KIF20A: variants seen among roughly 807,000 people sequenced by gnomAD.
KIF20A encodes the protein kinesin family member 20A.
KIF20A carries 66 observed loss-of-function variants against 113.0 expected under a neutral mutation model. The ratio of observed to expected loss-of-function variants is 0.58; its 90% confidence interval spans 0.48 to 0.72. KIF20A has a LOEUF of 0.72. Ranked by LOEUF, KIF20A falls within the 30% of genes least tolerant of loss-of-function variation. The probability of loss-of-function intolerance (pLI) is 0.00; values close to 1 mark genes in which losing one functional copy is unlikely to be tolerated. For missense variants in KIF20A, 927 were observed against 1,077.6 expected (o/e 0.86, Z 1.96); for synonymous variants, 376 against 402.3 (o/e 0.93, Z 0.78).
At position 138,181,619 on chromosome 5, in the gene KIF20A, G is replaced by A. The variant is rs370256011; in HGVS notation, c.266G>A (p.Arg89His). The A allele has an allele frequency of 5.0e-5, 81 of 1,614,050 alleles. 1 individual carries two copies. Among genetic ancestry groups the A allele is most frequent in the Admixed American group, 3.0e-4 (18 of 60,000 alleles). ...TTTCTCCCTTCTCAGGGTTGTGTCC[G>A]TATTGAGAATGTGGAGACCCTTGTT... ...LERQEDQGCV[R>H]IENVETLVLQ... is the part of the protein sequence containing the mutation. The change falls in exon 4 of 19, where the codon CGT (arginine) becomes CAT (histidine). Residue 89 changes from arginine to histidine, a missense_variant. Arg to His is a conservative substitution (Grantham distance 29, BLOSUM62 0). Transcript: ENST00000394894.
chr5:138,186,096 A>G, intron 17 of KIF20A, 44 bp downstream of exon 17: 1 of 1,564,892 alleles, frequency 6.4e-7, no homozygotes, highest in Non-Finnish European at 8.8e-7. Flanking sequence ...TACCTAAGGC[A>G]ATTTCCCACA....
Position 138,183,229 on chromosome 5 carries a change from G to T in KIF20A, c.893G>T (p.Arg298Leu), listed in dbSNP as rs144155991. The change falls in exon 8 of 19, where the codon CGC (arginine) becomes CTC (leucine). Residue 298 changes from arginine (R) to leucine (L), a missense_variant. Arg to Leu is a moderately radical substitution (Grantham distance 102, BLOSUM62 -2). Transcript: ENST00000394894. The surrounding 1 kb of genome is among the most constrained non-coding windows in gnomAD (Gnocchi z 5.2). The part of the protein sequence containing the change: ...TAPLPVPANI[R>L]FSIWISFFEI... The stretch of plus-strand genomic sequence containing the variant: ...CCACTACCTGTCCCGGCAAACATTC[G>T]CTTCTCCATCTGGATCTCATTCTTT... 2 of 1,614,004 alleles carry T rather than the reference G, an allele frequency of 1.2e-6. No individual in the cohort carries two copies. Among genetic ancestry groups the T allele is most frequent in the Middle Eastern group, 1.6e-4 (1 of 6,084 alleles).
rs781286111 is a variant in KIF20A, at chr5:138,183,423, A to C, written c.1028-47A>C. On this transcript the variant is annotated intron_variant, in intron 8 of 18. Transcript: ENST00000394894. The surrounding 1 kb of genome is among the most constrained non-coding windows in gnomAD (Gnocchi z 5.2). ...GGAGGGCAACTGGGGAGAGACTGGC[A>C]AAAGAGTTGGATGTTCCCATCTTAC... is the stretch of plus-strand genomic sequence containing the variant. 1 of 1,611,930 alleles carries C rather than the reference A, an allele frequency of 6.2e-7. No homozygotes were observed. The highest frequency in any genetic ancestry group is 8.5e-7 in the Non-Finnish European group (1 of 1,178,052).
chr5:138,180,680 G>GT (rs957711643), intron 2 of KIF20A, among the ~76,000 whole-genome samples: 31 of 151,054 alleles, frequency 2.1e-4, no homozygotes, highest in Non-Finnish European at 3.5e-4. Flanking sequence ...TGTTTTTTGG[G>GT]TTTTTTTGTT....
At position 138,183,591 on chromosome 5, in the gene KIF20A, T is replaced by C. The variant is rs1754695620; in HGVS notation, c.1139+10T>C. ...AGAACTCCAGCCGCAGGTGAGTAGA[T>C]TGTAAGAATAAACTCTTCACTGTGT... On this transcript the variant is annotated intron_variant, in intron 9 of 18. Transcript: ENST00000394894. The surrounding 1 kb of genome is among the most constrained non-coding windows in gnomAD (Gnocchi z 5.2). The C allele has an allele frequency of 2.5e-6, 4 of 1,613,038 alleles. No individual in the cohort carries two copies. The highest frequency in any genetic ancestry group is 3.4e-6 in the Non-Finnish European group (4 of 1,179,120).
chr5:138,183,133 C>G lies in KIF20A; in HGVS notation c.833-36C>G. 1 of 1,610,232 alleles carries G rather than the reference C, an allele frequency of 6.2e-7. No homozygotes were observed. Among genetic ancestry groups the G allele is most frequent in the Non-Finnish European group, 8.5e-7 (1 of 1,177,868 alleles). The stretch of plus-strand genomic sequence containing the variant: ...CAGGCCAAAAGAGAGGTGAACTGCT[C>G]TAGGTTGATGCCCTATACATTGGCT... On this transcript the variant is annotated intron_variant, in intron 7 of 18. Coordinates refer to ENST00000394894, the MANE Select transcript of KIF20A (RefSeq NM_005733.3). This position sits in a 1 kb window ranked among gnomAD's most constrained non-coding sequence, Gnocchi z 5.2.
rs1754700120 is a variant in KIF20A at position 138,183,824 on chromosome 5, G to A, written c.1208+68G>A. 1.3e-6 allele frequency: 2 copies of A among 1,562,802 alleles called. No individual in the cohort carries two copies. The highest frequency in any genetic ancestry group is 8.8e-7 in the Non-Finnish European group (1 of 1,135,892). On this transcript the variant is annotated intron_variant, in intron 10 of 18. Coordinates refer to ENST00000394894, the MANE Select transcript of KIF20A (RefSeq NM_005733.3). The surrounding 1 kb of genome is among the most constrained non-coding windows in gnomAD (Gnocchi z 5.2). ...TGATAGTTGGGAAAGCATGGAGGAG[G>A]TCCTCAGGGGAACTATGTGTTCTCC...
Position 138,183,664 on chromosome 5 carries a change from C to G in KIF20A, c.1140-24C>G. 6.2e-7 allele frequency: 1 copy of G among 1,612,496 alleles called. No homozygotes were observed. On this transcript the variant is annotated intron_variant, in intron 9 of 18. Coordinates refer to ENST00000394894, the MANE Select transcript of KIF20A (RefSeq NM_005733.3). This position sits in a 1 kb window ranked among gnomAD's most constrained non-coding sequence, Gnocchi z 5.2. ...CCTGGTCATGGAAAATGTGCAATGA[C>G]TTTTTGTTTTTCTTAACTTCCAGTC...
rs745430211 is a variant in KIF20A at position 138,182,420 on chromosome 5, C to A, written c.473C>A (p.Thr158Lys). The A allele has an allele frequency of 9.3e-6, 15 of 1,614,070 alleles. No homozygotes were observed. The highest frequency in any genetic ancestry group is 1.2e-5 in the Non-Finnish European group (14 of 1,180,030). Residue 158 changes from threonine to lysine, a missense_variant, in exon 5 of 19, where the codon ACA becomes AAA. Transcript: ENST00000394894. ...AAAGGGCAGAACTGGCTCATCTATACATATGGAGTCACTAACTCAGGGAAA... is the reference window on the plus strand; with the variant it reads ...AAAGGGCAGAACTGGCTCATCTATAAATATGGAGTCACTAACTCAGGGAAA... ...VLKGQNWLIY[T>K]YGVTNSGKTH...
Position 138,186,333 on chromosome 5 carries a change from G to A in KIF20A, c.2257G>A (p.Glu753Lys), listed in dbSNP as rs769345690. The change falls in exon 18 of 19, where the codon GAG becomes AAG. Residue 753 changes from glutamate to lysine, a missense_variant. Glu to Lys is a moderately conservative substitution (Grantham distance 56, BLOSUM62 1). Coordinates refer to ENST00000394894, the MANE Select transcript of KIF20A (RefSeq NM_005733.3). Reference protein sequence around the residue: ...LLRTELQKLGESLQSAERACC... With the variant: ...LLRTELQKLGKSLQSAERACC... ...GCGGACAGAGCTTCAGAAACTTGGT[G>A]AGTCTCTCCAATCAGCAGAGAGAGC... The A allele has an allele frequency of 2.5e-5, 40 of 1,599,624 alleles. No individual in the cohort carries two copies. Among genetic ancestry groups the A allele is most frequent in the Non-Finnish European group, 3.2e-5 (38 of 1,176,948 alleles).
chr5:138,179,834 G>C lies in KIF20A; in HGVS notation c.154G>C (p.Asp52His). 3.7e-6 allele frequency: 6 copies of C among 1,613,958 alleles called. No homozygotes were observed. The highest frequency in any genetic ancestry group is 5.1e-6 in the Non-Finnish European group (6 of 1,179,994). Residue 52 changes from aspartate to histidine, a missense_variant, in exon 2 of 19, where the codon GAC (aspartate) becomes CAC (histidine). Physicochemically the swap from Asp to His is moderately conservative, Grantham distance 81 (BLOSUM62 -1). Coordinates refer to ENST00000394894, the MANE Select transcript of KIF20A (RefSeq NM_005733.3). ...DCSVVSTSLE[D>H]KQQVPSEDSM... Reference sequence around the variant, plus strand: ...CTCTGTCGTCTCTACCTCCCTAGAGGACAAGCAGCAGGTAAAGGAACTGGG... The same window carrying C: ...CTCTGTCGTCTCTACCTCCCTAGAGCACAAGCAGCAGGTAAAGGAACTGGG...
intron 16 of KIF20A, 103 bp from the exon 17 acceptor site, chr5:138,185,858 C>T (rs938550249): frequency 7.6e-7 from 1 of 1,310,246 alleles, no homozygotes; most frequent in African/African-American, 1.5e-5. Context: ...CACATAGCCT[C>T]ACTTTTTATA....
chr5:138,186,479 T>C (rs1561631086), intron 18 of KIF20A, 48 bp downstream of exon 18: 1 of 1,561,812 alleles, frequency 6.4e-7, no homozygotes, highest in Non-Finnish European at 8.6e-7. Flanking sequence ...CCCACTCCAG[T>C]GTATATGTGA....
intron 15 of KIF20A, 108 bp from the exon 16 acceptor site, chr5:138,185,404 A>G (rs1754728037): frequency 1.9e-6 from 2 of 1,073,820 alleles, no homozygotes; most frequent in Non-Finnish European, 2.8e-6. Flanking sequence ...AGTGCTAACA[A>G]CAGGTTTTCA....
chr5:138,184,986 CAG>C (rs1754721610), intron 14 of KIF20A, 40 bp downstream of exon 14: 1 of 1,609,942 alleles, frequency 6.2e-7, no homozygotes, highest in Non-Finnish European at 8.5e-7. Context: ...TCACCTGAGA[CAG>C]AGGGTGGGAA....
rs1581478310 is a variant in KIF20A, at chr5:138,183,444, C to T, written c.1028-26C>T. ...TGGCAAAAGAGTTGGATGTTCCCAT[C>T]TTACACCCCTCTCCTTTGGCCCCAG... On this transcript the variant is annotated intron_variant, in intron 8 of 18. Coordinates refer to ENST00000394894, the MANE Select transcript of KIF20A (RefSeq NM_005733.3). This position sits in a 1 kb window ranked among gnomAD's most constrained non-coding sequence, Gnocchi z 5.2. 1.9e-6 allele frequency: 3 copies of T among 1,611,364 alleles called. No individual in the cohort carries two copies. In the South Asian group the frequency reaches 3.3e-5, roughly 18 times the overall value.
rs767734775 is a variant in KIF20A at position 138,184,958 on chromosome 5, G to A, written c.1823+12G>A. On this transcript the variant is annotated intron_variant, in intron 14 of 18. Transcript: ENST00000394894. ...GAACAGTGGTGCAGGTACTAGCTGAGTGACCCCTCTTGCTCTGTCACCTGA... is the reference window on the plus strand; with the variant it reads ...GAACAGTGGTGCAGGTACTAGCTGAATGACCCCTCTTGCTCTGTCACCTGA... The A allele has an allele frequency of 6.2e-7, 1 of 1,613,652 alleles. No individual in the cohort carries two copies. Among genetic ancestry groups the A allele is most frequent in the Non-Finnish European group, 8.5e-7 (1 of 1,179,694 alleles).
At chr5:138,185,929 CAT>C (rs758514718) in intron 16 of KIF20A, 30 bp from the exon 17 acceptor site, 1 of 1,594,128 alleles carries the variant, frequency 6.3e-7, no homozygotes, top group African/African-American at 1.3e-5. Flanking sequence ...AAAAACCCCA[CAT>C]ATTTTAAGTT....
rs1754690155 is a variant in KIF20A at position 138,183,295 on chromosome 5, C to T, written c.959C>T (p.Pro320Leu). ...NELLYDLLEP[P>L]SQQRKRQTLR... ...CTGCTTTATGACCTATTAGAACCGC[C>T]TAGCCAACAGCGCAAGAGGCAGACT... The change falls in exon 8 of 19, where the codon CCT (proline) becomes CTT (leucine). Residue 320 changes from proline to leucine, a missense_variant. By Grantham distance (98) the Pro-to-Leu change is moderately conservative. Coordinates refer to ENST00000394894, the MANE Select transcript of KIF20A (RefSeq NM_005733.3). The surrounding 1 kb of genome is among the most constrained non-coding windows in gnomAD (Gnocchi z 5.2). 3.1e-6 allele frequency: 5 copies of T among 1,614,238 alleles called. No homozygotes were observed. Among genetic ancestry groups the T allele is most frequent in the Non-Finnish European group, 4.2e-6 (5 of 1,180,048 alleles).
Sources: allele counts gnomAD v4.1 joint callset (sites outside exome capture counted in the v4.1 genomes callset), GRCh38; gene constraint gnomAD v4.1.1; non-coding constraint Gnocchi (gnomAD v3.1); transcripts MANE v1.5; gene names NCBI Gene and HGNC (gene_info 2026-07-23, HGNC 2026-07-21).